The following SLC31A1 variants were observed in gnomAD, a reference collection of about 807,000 sequenced individuals.
SLC31A1 encodes the protein high affinity copper uptake protein 1.
A neutral mutation model predicts 17.2 loss-of-function variants in SLC31A1; 5 were observed. That is an observed-to-expected ratio of 0.29 (90% CI 0.15 to 0.61). The LOEUF (loss-of-function observed/expected upper bound fraction) is 0.61. Among genes scored for constraint, SLC31A1 ranks in the 20% least tolerant of loss-of-function variants. SLC31A1 has a pLI of 0.86. For missense variants in SLC31A1, 161 were observed against 241.4 expected (o/e 0.67, Z 2.21); for synonymous variants, 76 against 78.8 (o/e 0.96, Z 0.19).
At chr9:113,245,871 C>T (rs1356116210) in intron 1 of SLC31A1, among the ~76,000 whole-genome samples, 7 of 151,864 alleles carry the variant, frequency 4.6e-5, no homozygotes, top group African/African-American at 1.2e-4. Flanking sequence ...TGGGCTTAAG[C>T]GATCTGCCTG....
chr9:113,233,562 T>C (rs990760364), intron 1 of SLC31A1, among the ~76,000 whole-genome samples: 2 of 152,204 alleles, frequency 1.3e-5, no homozygotes, highest in African/African-American at 4.8e-5. Flanking sequence ...CCCCTCCCTC[T>C]GGGATTTAGA....
At position 113,258,592 on chromosome 9, in the gene SLC31A1, G is replaced by A; in HGVS notation, c.203-102G>A. On this transcript the variant is annotated intron_variant, in intron 3 of 4. Coordinates refer to ENST00000374212, the MANE Select transcript of SLC31A1 (RefSeq NM_001859.4). This position sits in a 1 kb window ranked among gnomAD's most constrained non-coding sequence, Gnocchi z 4.8. ...TAAAAATATAATGTCTTCAAAAGCT[G>A]AGAGTAGCATTTTTTCTATGTGTCT... 1 of 1,276,898 alleles carries A rather than the reference G, an allele frequency of 7.8e-7. No homozygotes were observed. Among genetic ancestry groups the A allele is most frequent in the South Asian group, 1.2e-5 (1 of 83,638 alleles). The allele number at this position is 1,276,898 out of a possible 1,614,324, so 79.1% of individuals were successfully genotyped here. A position where few individuals can be genotyped will look rare whatever the true frequency, so the allele number is the denominator to read the frequency against.
intron 1 of SLC31A1, among the ~76,000 whole-genome samples, chr9:113,229,547 T>C (rs910730861): frequency 6.6e-6 from 1 of 152,068 alleles, no homozygotes; most frequent in African/African-American, 2.4e-5. Context: ...CAGTGCCCTA[T>C]CAATGAACAT....
intron 1 of SLC31A1, among the ~76,000 whole-genome samples, chr9:113,242,425 CAG>C (rs1831532029): frequency 6.6e-6 from 1 of 152,090 alleles, no homozygotes; most frequent in South Asian, 2.1e-4. Context: ...TGTTTTGAGA[CAG>C]AGTCTTACTC....
chr9:113,258,895 A>G lies in SLC31A1; in HGVS notation c.371+33A>G. On this transcript the variant is annotated intron_variant, in intron 4 of 4. Coordinates refer to ENST00000374212, the MANE Select transcript of SLC31A1 (RefSeq NM_001859.4). The surrounding 1 kb of genome is among the most constrained non-coding windows in gnomAD (Gnocchi z 4.8). Reference sequence around the variant, plus strand: ...CTGAACAGATCCAGATGAAGTCCTAAAGAACTCGATCAGTTAAGCAGCAAA... The same window carrying G: ...CTGAACAGATCCAGATGAAGTCCTAGAGAACTCGATCAGTTAAGCAGCAAA... 6.2e-7 allele frequency: 1 copy of G among 1,609,556 alleles called. No homozygotes were observed. Among genetic ancestry groups the G allele is most frequent in the South Asian group, 1.1e-5 (1 of 90,974 alleles).
chr9:113,234,480 ATTTTTTTTTTTTTT>A (rs869088669), intron 1 of SLC31A1, among the ~76,000 whole-genome samples: 3 of 60,248 alleles, frequency 5.0e-5, no homozygotes, highest in South Asian at 6.3e-4. Flanking sequence ...CCTGGCCATC[ATTTTTTTTTTTTTT>A]TTTTTTTTTT....
intron 1 of SLC31A1, chr9:113,223,283 A>T (rs929571050): frequency 4.5e-6 from 2 of 449,302 alleles, no homozygotes; most frequent in African/African-American, 4.0e-5. Context: ...GAGGAAGATG[A>T]TGGTGAGTCT....
chr9:113,232,505 C>A (rs1160035819), intron 1 of SLC31A1, among the ~76,000 whole-genome samples: 1 of 151,816 alleles, frequency 6.6e-6, no homozygotes, highest in Non-Finnish European at 1.5e-5. Flanking sequence ...GGGTTAGATT[C>A]ATTTGCACAC....
chr9:113,246,383 G>A (rs1048398167), intron 1 of SLC31A1, among the ~76,000 whole-genome samples: 10 of 150,026 alleles, frequency 6.7e-5, no homozygotes, highest in East Asian at 2.0e-4. Context: ...ATGGAGTCTC[G>A]CTCTGTCACC....
intron 1 of SLC31A1, among the ~76,000 whole-genome samples, chr9:113,224,531 C>CGATT: frequency 6.6e-6 from 1 of 152,034 alleles, no homozygotes; most frequent in Non-Finnish European, 1.5e-5. Flanking sequence ...CGGGTTCAAG[C>CGATT]GATTCTCCAG....
chr9:113,236,403 G>A (rs547275501), intron 1 of SLC31A1, among the ~76,000 whole-genome samples: 1 of 151,890 alleles, frequency 6.6e-6, no homozygotes, highest in South Asian at 2.1e-4. Context: ...TCACTCTGTC[G>A]CCCAGGTTGG....
chr9:113,248,313 C>G (rs576270204), intron 1 of SLC31A1, among the ~76,000 whole-genome samples: 2 of 152,004 alleles, frequency 1.3e-5, no homozygotes, highest in East Asian at 1.9e-4. Flanking sequence ...GACAGAGACT[C>G]TGTCTCAAAA....
chr9:113,222,952 C>T (rs1179887898), intron 1 of SLC31A1, among the ~76,000 whole-genome samples: 1 of 152,148 alleles, frequency 6.6e-6, no homozygotes, highest in South Asian at 2.1e-4. Context: ...CCCTGGCTTA[C>T]ATTATCTATG....
chr9:113,254,453 GT>G (rs1335509742), intron 1 of SLC31A1, among the ~76,000 whole-genome samples: 2 of 152,058 alleles, frequency 1.3e-5, no homozygotes, highest in African/African-American at 4.8e-5. Flanking sequence ...AGCATACTTG[GT>G]TTCATGAACA....
At chr9:113,229,125 C>G (rs1002703489) in intron 1 of SLC31A1, among the ~76,000 whole-genome samples, 2 of 152,174 alleles carry the variant, frequency 1.3e-5, no homozygotes, top group African/African-American at 4.8e-5. Flanking sequence ...GGATTATAGG[C>G]GTGATCCACT....
At chr9:113,224,907 G>A (rs899139242) in intron 1 of SLC31A1, among the ~76,000 whole-genome samples, 2 of 152,184 alleles carry the variant, frequency 1.3e-5, no homozygotes, top group Non-Finnish European at 2.9e-5. Flanking sequence ...TTGTAAAACA[G>A]GCATAATGGT....
intron 1 of SLC31A1, among the ~76,000 whole-genome samples, chr9:113,254,187 C>T (rs560703950): frequency 1.3e-5 from 2 of 152,034 alleles, no homozygotes; most frequent in African/African-American, 4.8e-5. Context: ...CTCCTGGCCT[C>T]AAGTGATCTG....
At position 113,233,210 on chromosome 9, in the gene SLC31A1, T is replaced by A. The variant is rs549601580; in HGVS notation, c.-36+11532T>A. On this transcript the variant is annotated intron_variant, in intron 1 of 4. Coordinates refer to ENST00000374212, the MANE Select transcript of SLC31A1 (RefSeq NM_001859.4). The stretch of plus-strand genomic sequence containing the variant: ...CTGAGGCAAGAAGATATTAAGTAAT[T>A]TGCCAAAGGGCCCACAACCAGTAGG... Among the ~76,000 whole-genome samples the A allele has an allele frequency of 3.9e-5, 6 of 152,366 alleles. No individual in the cohort carries two copies. The East Asian group carries it at 1.2e-3, about 29-fold the overall frequency.
chr9:113,244,417 G>A (rs1352266267), intron 1 of SLC31A1, among the ~76,000 whole-genome samples: 1 of 152,108 alleles, frequency 6.6e-6, no homozygotes, highest in Admixed American at 6.5e-5. Context: ...TATTACTTGA[G>A]TATGGCATAG....
Sources: allele counts gnomAD v4.1 joint callset (sites outside exome capture counted in the v4.1 genomes callset), GRCh38; gene constraint gnomAD v4.1.1; non-coding constraint Gnocchi (gnomAD v3.1); transcripts MANE v1.5; gene names NCBI Gene and HGNC (gene_info 2026-07-23, HGNC 2026-07-21).